The following PSMC2 variants were observed in gnomAD, a reference collection of about 807,000 sequenced individuals.
PSMC2 encodes the protein proteasome 26S subunit, ATPase 2, also known as 26S proteasome regulatory subunit 7.
PSMC2 carries 7 observed loss-of-function variants against 53.3 expected under a neutral mutation model. The observed-to-expected ratio is 0.13, with a 90% CI of 0.07 to 0.25. The LOEUF (loss-of-function observed/expected upper bound fraction) is 0.25. PSMC2 is among the 10% of genes least tolerant of loss of function. PSMC2 has a pLI of 1.00. For synonymous variants in PSMC2, 169 were observed against 183.9 expected (o/e 0.92, Z 0.66); for missense variants, 241 against 544.0 (o/e 0.44, Z 5.54).
rs139223308 is a variant in PSMC2 at position 103,362,661 on chromosome 7, A to G, written c.423-25A>G. 2.7e-4 allele frequency: 422 copies of G among 1,568,180 alleles called. 3 individuals are homozygous for G. The East Asian group carries it at 9.4e-3, about 35-fold the overall frequency. ...CTTTGAAAGCTTAAAGAATGTATTA[A>G]TGACTATCTTTTTTACTTCCTTAGC... On this transcript the variant is annotated intron_variant, in intron 5 of 11. Transcript: ENST00000292644.
intron 5 of PSMC2, 118 bp from the exon 6 acceptor site, chr7:103,362,568 A>G: frequency 7.0e-7 from 1 of 1,423,486 alleles, no homozygotes; most frequent in Non-Finnish European, 9.5e-7. Context: ...TTATATAATT[A>G]GGGACTCTGT....
intron 4 of PSMC2, among the ~76,000 whole-genome samples, chr7:103,356,891 A>C (rs1171008567): frequency 1.3e-5 from 2 of 152,148 alleles, no homozygotes; most frequent in Non-Finnish European, 2.9e-5. Context: ...CCTTTTAAAA[A>C]TTTTGTTTTT....
Position 103,362,100 on chromosome 7 carries a change from A to G in PSMC2, c.422+12A>G. The G allele has an allele frequency of 6.2e-7, 1 of 1,612,060 alleles. No homozygotes were observed. Among genetic ancestry groups the G allele is most frequent in the Non-Finnish European group, 8.5e-7 (1 of 1,179,508 alleles). On this transcript the variant is annotated intron_variant, in intron 5 of 11. Coordinates refer to ENST00000292644, the MANE Select transcript of PSMC2 (RefSeq NM_002803.4). ...GGGATGAGAGTGGGGTAAGATTTCT[A>G]TTTACAATAAATACTTTTCTTTCAC...
intron 4 of PSMC2, among the ~76,000 whole-genome samples, chr7:103,359,093 C>T (rs1820211497): frequency 6.7e-6 from 1 of 149,598 alleles, no homozygotes; most frequent in Non-Finnish European, 1.5e-5. Context: ...CCACCTCAGC[C>T]TCCCAAGTGG....
chr7:103,365,848 A>C (rs1283601745), intron 8 of PSMC2, among the ~76,000 whole-genome samples: 1 of 152,134 alleles, frequency 6.6e-6, no homozygotes, highest in Non-Finnish European at 1.5e-5. Flanking sequence ...GAATCGCTTG[A>C]ACCCAGGCGG....
At chr7:103,352,894 G>A (rs756759767) in intron 1 of PSMC2, 5 of 780,644 alleles carry the variant, frequency 6.4e-6, no homozygotes, top group Admixed American at 5.1e-5. Flanking sequence ...TTTCCCCTAC[G>A]GTCTCCATCT....
In PSMC2 at chr7:103,362,934, C is replaced by T. The variant is rs559334098; in HGVS notation, c.495+176C>T. ...TCAGCCTCCCGAGTAGCTGGGATTA[C>T]AGGCACCCGCCACCACGCCCAGCTA... On this transcript the variant is annotated intron_variant, in intron 6 of 11. Coordinates refer to ENST00000292644, the MANE Select transcript of PSMC2 (RefSeq NM_002803.4). 1.3e-4 allele frequency among the ~76,000 whole-genome samples: 19 copies of T among 151,950 alleles called. No individual in the cohort carries two copies. In the East Asian group the frequency reaches 3.7e-3, roughly 29 times the overall value.
At chr7:103,363,766 G>T (rs538262341) in intron 7 of PSMC2, among the ~76,000 whole-genome samples, 4 of 152,260 alleles carry the variant, frequency 2.6e-5, no homozygotes, top group African/African-American at 9.6e-5. Context: ...GAAGAAAGGG[G>T]CTTAAATTGA....
At chr7:103,358,827 A>G (rs1050156527) in intron 4 of PSMC2, among the ~76,000 whole-genome samples, 3 of 152,162 alleles carry the variant, frequency 2.0e-5, no homozygotes, top group Non-Finnish European at 4.4e-5. Context: ...TAGATTTTTC[A>G]TAACAGACAG....
intron 1 of PSMC2, chr7:103,348,717 C>T (rs916758189): frequency 1.2e-4 from 197 of 1,578,618 alleles, no homozygotes; most frequent in Non-Finnish European, 1.6e-4. Context: ...TCAATATGTG[C>T]CGCCAGTGTT....
Position 103,353,944 on chromosome 7 carries a change from T to G in PSMC2, c.94T>G (p.Leu32Val), listed in dbSNP as rs761373728. The change falls in exon 2 of 12, where the codon TTG becomes GTG. Residue 32 changes from leucine (L) to valine (V), a missense_variant. Physicochemically the swap from Leu to Val is conservative, Grantham distance 32. This residue lies in a region of PSMC2 where 70 missense variants were observed against 57.9 expected (regional missense o/e 1.21). Transcript: ENST00000292644. ...AGCTCTGGATGAGGGGGATATTGCC[T>G]TGTTGAAAACTTATGTAAGTCCTTT... ...IRALDEGDIA[L>V]LKTYGQSTYS... 5 of 1,602,404 alleles carry G rather than the reference T, an allele frequency of 3.1e-6. No homozygotes were observed. In the East Asian group the frequency reaches 1.1e-4, roughly 36 times the overall value.
intron 1 of PSMC2, chr7:103,348,498 T>C: frequency 1.6e-6 from 1 of 629,342 alleles, no homozygotes; most frequent in South Asian, 1.5e-5. Context: ...GTATTATGCG[T>C]ATACAGTAAT....
At chr7:103,353,856 T>G in intron 1 of PSMC2, 65 bp from the exon 2 acceptor site, 1 of 1,397,070 alleles carries the variant, frequency 7.2e-7, no homozygotes. Context: ...AAGCTCTAGT[T>G]TCTTTTTTAA....
At chr7:103,353,731 C>T (rs760970756) in intron 1 of PSMC2, among the ~76,000 whole-genome samples, 190 bp from the exon 2 acceptor site, 58 of 152,216 alleles carry the variant, frequency 3.8e-4, no homozygotes, top group Admixed American at 2.0e-3. Flanking sequence ...ACCTATTTTC[C>T]TCCCAGTTAG....
chr7:103,355,972 A>G (rs1031473223), intron 4 of PSMC2, among the ~76,000 whole-genome samples, 179 bp downstream of exon 4: 3 of 152,254 alleles, frequency 2.0e-5, no homozygotes. Flanking sequence ...TCAAAAATAT[A>G]TGAAGGCATA....
intron 9 of PSMC2, among the ~76,000 whole-genome samples, chr7:103,366,729 T>C (rs1050165883): frequency 5.9e-5 from 9 of 152,248 alleles, no homozygotes; most frequent in Non-Finnish European, 1.2e-4. Context: ...GATGGTGGTT[T>C]TTCTTAGTGC....
At chr7:103,354,058 C>G (rs1819884879) in intron 2 of PSMC2, 100 bp downstream of exon 2, 3 of 916,406 alleles carry the variant, frequency 3.3e-6, no homozygotes, top group African/African-American at 3.5e-5. Context: ...GTTAAGAAAC[C>G]AAAAATTAAA....
Position 103,361,255 on chromosome 7 carries a change from G to A in PSMC2, c.291-702G>A, listed in dbSNP as rs748730130. Among the ~76,000 whole-genome samples, 35 of 151,818 alleles carry A rather than the reference G, an allele frequency of 2.3e-4. 1 individual carries two copies. In the Middle Eastern group the frequency reaches 0.01, roughly 44 times the overall value. The stretch of plus-strand genomic sequence containing the variant: ...TCCCAGCACTTTGGGAAGCTGAGGC[G>A]GGCGGATCACCTGAGGTTGGGATTT... On this transcript the variant is annotated intron_variant, in intron 4 of 11. Coordinates refer to ENST00000292644, the MANE Select transcript of PSMC2 (RefSeq NM_002803.4).
intron 2 of PSMC2, 94 bp from the exon 3 acceptor site, chr7:103,354,768 GATAGCT>G (rs1251145601): frequency 1.4e-6 from 1 of 725,434 alleles, no homozygotes; most frequent in East Asian, 2.7e-5. Flanking sequence ...TTGGGATAAT[GATAGCT>G]ATTGAAATTG....
Sources: allele counts gnomAD v4.1 joint callset (sites outside exome capture counted in the v4.1 genomes callset), GRCh38; gene constraint gnomAD v4.1.1; regional missense constraint gnomAD v4.1.1; transcripts MANE v1.5; gene names NCBI Gene and HGNC (gene_info 2026-07-23, HGNC 2026-07-21).